SBNO1: variants seen among roughly 807,000 people sequenced by gnomAD.
SBNO1 encodes the protein protein strawberry notch homolog 1.
In SBNO1, 23 loss-of-function variants were observed where a neutral mutation model predicts 173.6. The observed-to-expected ratio is 0.13, with a 90% CI of 0.10 to 0.19. The LOEUF (loss-of-function observed/expected upper bound fraction) is 0.19. Among genes scored for constraint, SBNO1 ranks in the 10% least tolerant of loss-of-function variants. The pLI is 1.00. For missense variants in SBNO1, 1,238 were observed against 1,671.2 expected, an observed-to-expected ratio of 0.74 and a Z score of 4.52; for synonymous variants, 632 against 571.5, an observed-to-expected ratio of 1.11 and a Z score of -1.51.
intron 28 of SBNO1, among the ~76,000 whole-genome samples, chr12:123,306,506 C>G (rs775984204): frequency 6.6e-6 from 1 of 152,150 alleles, no homozygotes; most frequent in Non-Finnish European, 1.5e-5. Flanking sequence ...GGGATCAGGA[C>G]TTTCATCACA....
chr12:123,358,086 G>C (rs1874674265), intron 1 of SBNO1, among the ~76,000 whole-genome samples: 1 of 152,170 alleles, frequency 6.6e-6, no homozygotes, highest in Non-Finnish European at 1.5e-5. Context: ...TGGAATACCT[G>C]TACATACATA....
Position 123,345,563 on chromosome 12 carries a change from G to A in SBNO1, c.245C>T (p.Pro82Leu). The A allele has an allele frequency of 6.2e-7, 1 of 1,612,524 alleles. No homozygotes were observed. The highest frequency in any genetic ancestry group is 8.5e-7 in the Non-Finnish European group (1 of 1,178,756). ...CAGCACAAATGTTGTAGTAGATGGA[G>A]GCTGCTGCTAGATAGAAAACAAAAA... The part of the protein sequence containing the change: ...TPALLNVRQQ[P>L]PSTTTFVLNQ... The change falls in exon 4 of 32, where the codon CCT becomes CTT. Residue 82 changes from proline to leucine, a missense_variant. Pro to Leu is a moderately conservative substitution (Grantham distance 98). Coordinates refer to ENST00000602398, the MANE Select transcript of SBNO1 (RefSeq NM_001167856.3).
At chr12:123,309,168 AAC>A (rs747652405) in intron 28 of SBNO1, 140 bp downstream of exon 28, 2 of 649,676 alleles carry the variant, frequency 3.1e-6, no homozygotes, top group Non-Finnish European at 5.5e-6. Context: ...CAAATGGACA[AAC>A]ACACAATTAC....
chr12:123,327,298 C>T (rs771454786), intron 13 of SBNO1, 128 bp downstream of exon 13: 1 of 786,966 alleles, frequency 1.3e-6, no homozygotes, highest in South Asian at 1.8e-5. Flanking sequence ...GACACCGTGC[C>T]TGGCTTCATC....
At chr12:123,315,757 G>A in intron 21 of SBNO1, 97 bp from the exon 22 acceptor site, 1 of 694,492 alleles carries the variant, frequency 1.4e-6, no homozygotes, top group Non-Finnish European at 2.6e-6. Flanking sequence ...AACTGGTATT[G>A]GGAAACCACT....
chr12:123,340,500 G>C (rs566899984), intron 5 of SBNO1, among the ~76,000 whole-genome samples: 3 of 141,506 alleles, frequency 2.1e-5, no homozygotes, highest in South Asian at 2.2e-4. Flanking sequence ...AGAATCACTT[G>C]AACCTGGGAG....
chr12:123,330,032 C>T (rs1268341922), intron 9 of SBNO1, among the ~76,000 whole-genome samples: 2 of 152,176 alleles, frequency 1.3e-5, no homozygotes, highest in African/African-American at 4.8e-5. Context: ...ATCTACATCG[C>T]ATATGATTTG....
chr12:123,308,091 C>A (rs1441283157), intron 28 of SBNO1, among the ~76,000 whole-genome samples: 1 of 151,946 alleles, frequency 6.6e-6, no homozygotes, highest in Non-Finnish European at 1.5e-5. Context: ...CAAAACGAAA[C>A]AACACAACCC....
chr12:123,291,455 T>C lies in SBNO1; in HGVS notation c.*4453A>G, dbSNP rs1439722454. ...AAATGTGAAAACATCAGGCTCACTATAGCTTCCAAAGAACAACATAAACGA... is the reference window on the plus strand; with the variant it reads ...AAATGTGAAAACATCAGGCTCACTACAGCTTCCAAAGAACAACATAAACGA... On this transcript the variant is annotated 3_prime_UTR_variant, in exon 32 of 32. Coordinates refer to ENST00000602398, the MANE Select transcript of SBNO1 (RefSeq NM_001167856.3). 6.6e-6 allele frequency: 1 copy of C among 152,172 alleles called. No individual in the cohort carries two copies. The highest frequency in any genetic ancestry group is 1.5e-5 in the Non-Finnish European group (1 of 68,032). 9.4% of individuals were successfully genotyped at this position (152,172 alleles called of 1,614,324 possible). A position where few individuals can be genotyped will look rare whatever the true frequency, so the allele number is the denominator to read the frequency against.
At chr12:123,331,183 C>T (rs1029286345) in intron 8 of SBNO1, 59 bp downstream of exon 8, 18 of 1,563,264 alleles carry the variant, frequency 1.2e-5, no homozygotes, top group African/African-American at 1.1e-4. Context: ...AGGATGGTCT[C>T]GATCTCCTAA....
chr12:123,329,963 G>A (rs1871024746), intron 9 of SBNO1, among the ~76,000 whole-genome samples: 1 of 152,158 alleles, frequency 6.6e-6, no homozygotes, highest in Non-Finnish European at 1.5e-5. Context: ...GCAGAGGTAT[G>A]AGTAACTCAA....
intron 16 of SBNO1, 43 bp from the exon 17 acceptor site, chr12:123,321,775 T>C: frequency 6.8e-7 from 1 of 1,481,378 alleles, no homozygotes; most frequent in Non-Finnish European, 9.4e-7. Context: ...AAATTCAATG[T>C]TTCTTAAGAT....
At chr12:123,323,240 G>A (rs1870212668) in intron 16 of SBNO1, among the ~76,000 whole-genome samples, 1 of 152,228 alleles carries the variant, frequency 6.6e-6, no homozygotes. Context: ...ACAAGTGACA[G>A]TGAAAATTTG....
chr12:123,350,465 T>G (rs1566053424), intron 1 of SBNO1, 24 bp from the exon 2 acceptor site: 4 of 1,598,648 alleles, frequency 2.5e-6, no homozygotes, highest in Non-Finnish European at 3.4e-6. Context: ...TATTAAATAT[T>G]AACATAAAAA....
chr12:123,332,490 C>T (rs181377657), intron 7 of SBNO1, among the ~76,000 whole-genome samples: 1 of 152,082 alleles, frequency 6.6e-6, no homozygotes, highest in African/African-American at 2.4e-5. Flanking sequence ...CAGGGTTTCA[C>T]CATGTTGGCC....
intron 1 of SBNO1, among the ~76,000 whole-genome samples, chr12:123,360,695 G>A (rs184106844): frequency 6.6e-5 from 10 of 151,940 alleles, no homozygotes; most frequent in Non-Finnish European, 1.0e-4. Flanking sequence ...CACCAGCCTC[G>A]GCCCCCTCAA....
At chr12:123,328,101 CTT>C (rs1456688802) in intron 10 of SBNO1, 74 bp from the exon 11 acceptor site, 1 of 1,256,776 alleles carries the variant, frequency 8.0e-7, no homozygotes, top group African/African-American at 1.5e-5. Context: ...GAAGAGTTAA[CTT>C]TTATTTCCCT....
chr12:123,356,598 C>A (rs1468244113), intron 1 of SBNO1, among the ~76,000 whole-genome samples: 1 of 152,180 alleles, frequency 6.6e-6, no homozygotes, highest in African/African-American at 2.4e-5. Context: ...CGTGCCCCCA[C>A]ACCCAGCTAA....
intron 28 of SBNO1, among the ~76,000 whole-genome samples, chr12:123,305,070 C>A (rs897184879): frequency 6.6e-6 from 1 of 152,166 alleles, no homozygotes; most frequent in African/African-American, 2.4e-5. Context: ...GTAAGAAAAA[C>A]CAAGTGTAAT....
Sources: allele counts gnomAD v4.1 joint callset (sites outside exome capture counted in the v4.1 genomes callset), GRCh38; gene constraint gnomAD v4.1.1; transcripts MANE v1.5; gene names NCBI Gene and HGNC (gene_info 2026-07-23, HGNC 2026-07-21).